The following NELL1 variants were observed in gnomAD, a reference collection of about 807,000 sequenced individuals.
NELL1 encodes the protein protein kinase C-binding protein NELL1.
In NELL1, 76 loss-of-function variants were observed where a neutral mutation model predicts 107.4. The observed-to-expected ratio is 0.71, with a 90% CI of 0.59 to 0.86. NELL1 has a LOEUF of 0.86. Among genes scored for constraint, NELL1 ranks in the 40% least tolerant of loss-of-function variants. The pLI is 0.00. For missense variants in NELL1, 1,024 were observed against 1,005.5 expected (o/e 1.02, Z -0.25); for synonymous variants, 353 against 341.2 (o/e 1.03, Z -0.38).
At chr11:20,956,969 G>T (rs907884220) in intron 11 of NELL1, among the ~76,000 whole-genome samples, 1 of 152,064 alleles carries the variant, frequency 6.6e-6, no homozygotes, top group Non-Finnish European at 1.5e-5. Flanking sequence ...GGAACATTTG[G>T]TGGAGATGGC....
chr11:21,376,699 ATTTGTTTGTG>A (rs2133762012), intron 15 of NELL1, among the ~76,000 whole-genome samples: 2 of 152,068 alleles, frequency 1.3e-5, no homozygotes, highest in South Asian at 4.1e-4. Context: ...ATGTTTTTCC[ATTTGTTTGTG>A]TCATCTATGA....
intron 2 of NELL1, among the ~76,000 whole-genome samples, chr11:20,696,814 C>G (rs528532968): frequency 6.6e-6 from 1 of 152,094 alleles, no homozygotes; most frequent in South Asian, 2.1e-4. Flanking sequence ...TCCAAACAAC[C>G]AGAATAAGTC....
intron 12 of NELL1, among the ~76,000 whole-genome samples, chr11:21,080,743 T>G (rs1355121573): frequency 1.7e-4 from 26 of 152,096 alleles, no homozygotes; most frequent in Admixed American, 1.7e-3. Flanking sequence ...ACATTTTAAA[T>G]TTTGATAGAT....
intron 2 of NELL1, among the ~76,000 whole-genome samples, chr11:20,748,899 TCCAC>T (rs1435834065): frequency 7.4e-5 from 4 of 53,890 alleles, no homozygotes; most frequent in African/African-American, 1.8e-4. Flanking sequence ...CATCCATCCA[TCCAC>T]CCAGCCACCC....
intron 12 of NELL1, among the ~76,000 whole-genome samples, chr11:21,075,481 T>C (rs1854113187): frequency 6.6e-6 from 1 of 151,348 alleles, no homozygotes; most frequent in African/African-American, 2.4e-5. Context: ...TTGTTTGTTT[T>C]TTGAGACAGG....
intron 12 of NELL1, among the ~76,000 whole-genome samples, chr11:21,000,651 C>T (rs181798048): frequency 2.4e-4 from 36 of 152,226 alleles, no homozygotes; most frequent in African/African-American, 7.2e-4. Flanking sequence ...TACATTTGAC[C>T]GGGATTTATA....
chr11:20,936,143 A>G (rs910509877), intron 9 of NELL1, among the ~76,000 whole-genome samples: 1 of 152,162 alleles, frequency 6.6e-6, no homozygotes, highest in African/African-American at 2.4e-5. Flanking sequence ...GGTTACAGCA[A>G]ATGCCGAACT....
intron 3 of NELL1, among the ~76,000 whole-genome samples, chr11:20,786,078 C>G (rs1460088637): frequency 1.3e-5 from 2 of 148,552 alleles, no homozygotes; most frequent in African/African-American, 5.0e-5. Context: ...AGGCTGGGCA[C>G]TGTGGCTCAT....
chr11:20,684,872 T>C (rs1854271324), intron 2 of NELL1, among the ~76,000 whole-genome samples: 3 of 152,060 alleles, frequency 2.0e-5, no homozygotes, highest in Admixed American at 1.3e-4. Flanking sequence ...TGATAAGTCA[T>C]GGGATTTTCC....
chr11:21,129,275 G>A (rs943388793), intron 13 of NELL1, among the ~76,000 whole-genome samples: 32 of 152,120 alleles, frequency 2.1e-4, no homozygotes, highest in Non-Finnish European at 7.3e-5. Flanking sequence ...GGAGGAACTG[G>A]AACCCTCGTG....
intron 15 of NELL1, among the ~76,000 whole-genome samples, chr11:21,426,515 A>G (rs1037785937): frequency 5.9e-5 from 9 of 152,242 alleles, no homozygotes; most frequent in African/African-American, 2.2e-4. Flanking sequence ...GAGGAGACAT[A>G]CTATGACAAA....
At chr11:21,227,864 G>C (rs1857934560) in intron 13 of NELL1, among the ~76,000 whole-genome samples, 1 of 152,174 alleles carries the variant, frequency 6.6e-6, no homozygotes, top group Non-Finnish European at 1.5e-5. Context: ...TCTGTTGTGT[G>C]TGTGTGATGA....
intron 12 of NELL1, among the ~76,000 whole-genome samples, chr11:20,968,978 T>C (rs1851440659): frequency 6.6e-6 from 1 of 152,194 alleles, no homozygotes; most frequent in Non-Finnish European, 1.5e-5. Flanking sequence ...AAAATCTGTT[T>C]TGGTGAGTGG....
At chr11:21,063,512 G>A (rs1209362611) in intron 12 of NELL1, among the ~76,000 whole-genome samples, 1 of 152,032 alleles carries the variant, frequency 6.6e-6, no homozygotes, top group African/African-American at 2.4e-5. Context: ...TTATCTAGGG[G>A]TCCACCATGA....
chr11:20,774,174 C>T (rs1453022026), intron 2 of NELL1, among the ~76,000 whole-genome samples: 1 of 87,280 alleles, frequency 1.1e-5, no homozygotes, highest in Non-Finnish European at 2.4e-5. Flanking sequence ...CTCCCCTCCC[C>T]TCCCATCCCC....
At chr11:20,841,599 T>C (rs1422460728) in intron 3 of NELL1, among the ~76,000 whole-genome samples, 2 of 152,188 alleles carry the variant, frequency 1.3e-5, no homozygotes, top group Non-Finnish European at 2.9e-5. Context: ...GAGCTGGACT[T>C]TAAAAATTAT....
At position 21,575,462 on chromosome 11, in the gene NELL1, T is replaced by C. The variant is rs150190481; in HGVS notation, c.*440T>C. ...ATAAAGTTGCCTGTTGTGACTTTTGTCCCATCTACTGCATACTTAGTGCTG... is the reference window on the plus strand; with the variant it reads ...ATAAAGTTGCCTGTTGTGACTTTTGCCCCATCTACTGCATACTTAGTGCTG... On this transcript the variant is annotated 3_prime_UTR_variant, in exon 20 of 20. Coordinates refer to ENST00000357134, the MANE Select transcript of NELL1 (RefSeq NM_006157.5). The C allele has an allele frequency of 1.3e-3, 214 of 170,628 alleles. 1 individual carries two copies. The highest frequency in any genetic ancestry group is 2.4e-3 in the Non-Finnish European group (187 of 78,854). 10.6% of individuals were successfully genotyped at this position (170,628 alleles called of 1,614,324 possible).
intron 12 of NELL1, among the ~76,000 whole-genome samples, chr11:21,049,326 C>T (rs1203663636): frequency 4.6e-5 from 7 of 152,128 alleles, no homozygotes; most frequent in Non-Finnish European, 1.0e-4. Context: ...CCATAAAGCC[C>T]CTGCAGTTAT....
intron 13 of NELL1, among the ~76,000 whole-genome samples, chr11:21,227,084 T>C (rs563377861): frequency 3.3e-5 from 5 of 152,372 alleles, no homozygotes; most frequent in South Asian, 4.1e-4. Flanking sequence ...CCTTTCTCCA[T>C]ACTTAAGTCT....
Sources: allele counts gnomAD v4.1 joint callset (sites outside exome capture counted in the v4.1 genomes callset), GRCh38; gene constraint gnomAD v4.1.1; transcripts MANE v1.5; gene names NCBI Gene and HGNC (gene_info 2026-07-23, HGNC 2026-07-21).